Variants in DDX42 observed in about 807,000 individuals in gnomAD.
The protein encoded by DDX42 is DEAD-box helicase 42, also known as ATP-dependent RNA helicase DDX42.
In DDX42, 22 loss-of-function variants were observed where a neutral mutation model predicts 101.5. That is an observed-to-expected ratio of 0.22 (90% confidence interval 0.15 to 0.31). The LOEUF is 0.31. DDX42 is among the 10% of genes least tolerant of loss of function. DDX42 has a pLI of 1.00. For missense variants in DDX42, 849 were observed against 1,199.9 expected, an observed-to-expected ratio of 0.71 and a Z score of 4.32; for synonymous variants, 402 against 401.2, an observed-to-expected ratio of 1.00 and a Z score of -0.02.
At chr17:63,815,443 G>A (rs1294958397) in intron 15 of DDX42, 120 bp from the exon 16 acceptor site, 2 of 657,454 alleles carry the variant, frequency 3.0e-6, no homozygotes, top group Non-Finnish European at 5.3e-6. Context: ...CCTTAGCGTA[G>A]TGCTGGCTGA....
chr17:63,812,127 A>G lies in DDX42; in HGVS notation c.1594A>G (p.Met532Val). The G allele has an allele frequency of 1.2e-6, 2 of 1,614,264 alleles. No individual in the cohort carries two copies. Among genetic ancestry groups the G allele is most frequent in the Non-Finnish European group, 1.7e-6 (2 of 1,180,042 alleles). The change falls in exon 14 of 18, where the codon ATG becomes GTG. Residue 532 changes from methionine to valine, a missense_variant. By Grantham distance (21) the Met-to-Val change is conservative. Coordinates refer to ENST00000389924, the MANE Select transcript of DDX42 (RefSeq NM_203499.3). ...TAATCTTGGGCTGCTCCATGGGGAT[A>G]TGGATCAGAGTGAGAGAAACAAGGT... is the stretch of plus-strand genomic sequence containing the variant. The part of the protein sequence containing the change: ...GHNLGLLHGD[M>V]DQSERNKVIS...
intron 1 of DDX42, chr17:63,774,764 T>G (rs948566437): frequency 1.3e-5 from 2 of 152,232 alleles, no homozygotes; most frequent in African/African-American, 4.8e-5. Flanking sequence ...TTTGGGGTCC[T>G]GAGAGGCAAA....
At chr17:63,812,871 A>G (rs2039928902) in intron 14 of DDX42, among the ~76,000 whole-genome samples, 1 of 152,168 alleles carries the variant, frequency 6.6e-6, no homozygotes, top group Admixed American at 6.5e-5. Flanking sequence ...CTAAAAATAC[A>G]AAAATTAGCT....
At position 63,818,572 on chromosome 17, in the gene DDX42, T is replaced by G; in HGVS notation, c.*174T>G. ...CAGAAGGAATTTTCGGATGTTTTCTTGGGAAGCTGTTTTGGTCCTTGGAAG... is the reference window on the plus strand; with the variant it reads ...CAGAAGGAATTTTCGGATGTTTTCTGGGGAAGCTGTTTTGGTCCTTGGAAG... On this transcript the variant is annotated 3_prime_UTR_variant, in exon 18 of 18. Coordinates refer to ENST00000389924, the MANE Select transcript of DDX42 (RefSeq NM_203499.3). 4.7e-6 allele frequency: 3 copies of G among 639,588 alleles called. No individual in the cohort carries two copies. The highest frequency in any genetic ancestry group is 7.8e-6 in the Non-Finnish European group (3 of 383,144). 39.6% of individuals were successfully genotyped at this position (639,588 alleles called of 1,614,324 possible).
At chr17:63,790,035 A>G (rs907593028) in intron 2 of DDX42, among the ~76,000 whole-genome samples, 9 of 152,192 alleles carry the variant, frequency 5.9e-5, no homozygotes, top group South Asian at 2.1e-4. Flanking sequence ...AGAACACACT[A>G]TATACAGGAG....
intron 15 of DDX42, among the ~76,000 whole-genome samples, chr17:63,814,913 T>C (rs2039958561): frequency 6.6e-6 from 1 of 152,162 alleles, no homozygotes; most frequent in Non-Finnish European, 1.5e-5. Context: ...TGGTCTTGAC[T>C]CCTGGCCTCA....
chr17:63,818,366 C>T lies in DDX42; in HGVS notation c.2785C>T (p.Pro929Ser). ...TADGFAVPEPPKRKKSRWDS is the reference protein window; with the variant it reads ...TADGFAVPEPSKRKKSRWDS ...TGACGGCTTTGCTGTCCCAGAGCCG[C>T]CTAAACGCAAGAAAAGTCGATGGGA... is the stretch of plus-strand genomic sequence containing the variant. The change falls in exon 18 of 18, where the codon CCT becomes TCT. Residue 929 changes from proline (P) to serine (S), a missense_variant. By Grantham distance (74) the Pro-to-Ser change is moderately conservative. Coordinates refer to ENST00000389924, the MANE Select transcript of DDX42 (RefSeq NM_203499.3). 1 of 1,613,796 alleles carries T rather than the reference C, an allele frequency of 6.2e-7. No individual in the cohort carries two copies. Among genetic ancestry groups the T allele is most frequent in the African/African-American group, 1.3e-5 (1 of 75,034 alleles).
At chr17:63,809,107 TAGC>T (rs1348830762) in intron 10 of DDX42, among the ~76,000 whole-genome samples, 159 bp downstream of exon 10, 1 of 152,198 alleles carries the variant, frequency 6.6e-6, no homozygotes, top group Non-Finnish European at 1.5e-5. Context: ...GTGGCTAAAT[TAGC>T]AGTTCAGTGA....
intron 1 of DDX42, among the ~76,000 whole-genome samples, chr17:63,780,429 A>T (rs2039474343): frequency 6.6e-6 from 1 of 152,252 alleles, no homozygotes; most frequent in Non-Finnish European, 1.5e-5. Context: ...GTAATAAAAT[A>T]GAGTTTTCAT....
At chr17:63,785,534 A>T (rs966836660) in intron 1 of DDX42, among the ~76,000 whole-genome samples, 7 of 71,602 alleles carry the variant, frequency 9.8e-5, no homozygotes, top group Middle Eastern at 6.0e-3. Context: ...GGCAGATGTG[A>T]GAGGGGGGGG....
chr17:63,813,156 T>C, intron 14 of DDX42, 72 bp from the exon 15 acceptor site: 1 of 1,400,502 alleles, frequency 7.1e-7, no homozygotes, highest in Non-Finnish European at 9.7e-7. Flanking sequence ...TTATTAGCAC[T>C]AGCATTTCTG....
chr17:63,777,572 G>A (rs745479679), intron 1 of DDX42, among the ~76,000 whole-genome samples: 1 of 151,052 alleles, frequency 6.6e-6, no homozygotes, highest in African/African-American at 2.4e-5. Context: ...CTCAGCCTCC[G>A]GAGTAGCTGG....
chr17:63,811,788 C>T (rs1333405958), intron 13 of DDX42, 144 bp from the exon 14 acceptor site: 1 of 1,032,874 alleles, frequency 9.7e-7, no homozygotes, highest in Non-Finnish European at 1.4e-6. Flanking sequence ...GAGTTTTGAG[C>T]TGCACTTGAC....
Position 63,776,661 on chromosome 17 carries a change from T to G in DDX42, c.-17+2285T>G, listed in dbSNP as rs551892514. Among the ~76,000 whole-genome samples the G allele has an allele frequency of 1.5e-4, 23 of 151,240 alleles. No homozygotes were observed. The East Asian group carries it at 4.5e-3, about 29-fold the overall frequency. ...TTTTTTTTTTTTTTGAGATGGTGTC[T>G]GGCTGTGTTGCCCAGGCTGGTCTTG... is the stretch of plus-strand genomic sequence containing the variant. On this transcript the variant is annotated intron_variant, in intron 1 of 17. Transcript: ENST00000389924.
At chr17:63,806,505 G>C in intron 7 of DDX42, 30 bp from the exon 8 acceptor site, 1 of 1,597,072 alleles carries the variant, frequency 6.3e-7, no homozygotes, top group Non-Finnish European at 8.5e-7. Context: ...TGAAGTACAA[G>C]TCATTCTGGG....
At chr17:63,781,740 G>C (rs971983911) in intron 1 of DDX42, among the ~76,000 whole-genome samples, 1 of 151,924 alleles carries the variant, frequency 6.6e-6, no homozygotes, top group African/African-American at 2.4e-5. Flanking sequence ...GCCGGATGTG[G>C]TGGCTCACGC....
Position 63,792,594 on chromosome 17 carries a change from A to G in DDX42, c.372+32A>G, listed in dbSNP as rs529120498. 6 of 1,593,266 alleles carry G rather than the reference A, an allele frequency of 3.8e-6. No individual in the cohort carries two copies. In the East Asian group the frequency reaches 9.0e-5, roughly 24 times the overall value. On this transcript the variant is annotated intron_variant, in intron 3 of 17. Coordinates refer to ENST00000389924, the MANE Select transcript of DDX42 (RefSeq NM_203499.3). Reference sequence around the variant, plus strand: ...ATCAACATGTTTCATTAAAATATTTAGCAGTTAGAAATAGATCAAGTTAAC... The same window carrying G: ...ATCAACATGTTTCATTAAAATATTTGGCAGTTAGAAATAGATCAAGTTAAC...
intron 3 of DDX42, among the ~76,000 whole-genome samples, chr17:63,795,550 T>G (rs2039682971): frequency 6.6e-6 from 1 of 152,158 alleles, no homozygotes; most frequent in Admixed American, 6.6e-5. Flanking sequence ...CAGGCCGGTC[T>G]CAAACTCGTA....
Position 63,808,896 on chromosome 17 carries a change from G to A in DDX42, c.1100G>A (p.Trp367Ter). 1 of 1,614,088 alleles carries A rather than the reference G, an allele frequency of 6.2e-7. No homozygotes were observed. Among genetic ancestry groups the A allele is most frequent in the Non-Finnish European group, 8.5e-7 (1 of 1,179,970 alleles). ...GCCGTATATGGAGGAGGGAGTATGTGGGAGCAGGCCAAGGCCCTTCAGGAG... is the reference window on the plus strand; with the variant it reads ...GCCGTATATGGAGGAGGGAGTATGTAGGAGCAGGCCAAGGCCCTTCAGGAG... ...SVAVYGGGSM[W>*]EQAKALQEGA... The change falls in exon 10 of 18, where the codon TGG becomes TAG. Residue 367 changes from tryptophan to a stop codon, truncating the protein, a stop_gained. Transcript: ENST00000389924. LOFTEE classifies it high-confidence loss of function.
Sources: allele counts gnomAD v4.1 joint callset (sites outside exome capture counted in the v4.1 genomes callset), GRCh38; gene constraint gnomAD v4.1.1; transcripts MANE v1.5; gene names NCBI Gene and HGNC (gene_info 2026-07-23, HGNC 2026-07-21).